The following CEP43 variants were observed in gnomAD, a reference collection of about 807,000 sequenced individuals.
CEP43 encodes FGFR1 oncogene partner.
A neutral mutation model predicts 52.6 loss-of-function variants in CEP43; 36 were observed. The observed-to-expected ratio is 0.68, with a 90% CI of 0.52 to 0.90. The LOEUF is 0.90. Ranked by LOEUF, CEP43 falls within the 40% of genes least tolerant of loss-of-function variation. The pLI is 0.00. For synonymous variants in CEP43, 192 were observed against 172.4 expected (o/e 1.11, Z -0.89); for missense variants, 506 against 472.8 (o/e 1.07, Z -0.65).
At position 167,036,262 on chromosome 6, in the gene CEP43, C is replaced by G. The variant is rs1027973475; in HGVS notation, c.1125+2291C>G. 6 of 985,306 alleles carry G rather than the reference C, an allele frequency of 6.1e-6. No individual in the cohort carries two copies. The African/African-American group carries it at 8.7e-5, about 14-fold the overall frequency. 61.0% of individuals were successfully genotyped at this position (985,306 alleles called of 1,614,324 possible). A position where few individuals can be genotyped will look rare whatever the true frequency, so the allele number is the denominator to read the frequency against. On this transcript the variant is annotated intron_variant, in intron 12 of 12. Coordinates refer to ENST00000366847, the MANE Select transcript of CEP43 (RefSeq NM_007045.4). ...GAGGGCTGAGGAGGAACATGGTAAG[C>G]TCCATGAGAACAGAAGGGAGATCCC...
At chr6:167,027,535 T>A (rs9459846) in intron 10 of CEP43, among the ~76,000 whole-genome samples, 1 of 151,840 alleles carries the variant, frequency 6.6e-6, no homozygotes, top group African/African-American at 2.4e-5. Flanking sequence ...GTGTCCCCAT[T>A]TGCTTTTAAA....
rs1780699371 is a variant in CEP43, at chr6:167,041,722, A to G, written c.*1744A>G. 1.9e-6 allele frequency: 2 copies of G among 1,029,696 alleles called. No individual in the cohort carries two copies. Among genetic ancestry groups the G allele is most frequent in the South Asian group, 4.6e-5 (1 of 21,688 alleles). 63.8% of individuals were successfully genotyped at this position (1,029,696 alleles called of 1,614,324 possible). On this transcript the variant is annotated 3_prime_UTR_variant, in exon 13 of 13. Coordinates refer to ENST00000366847, the MANE Select transcript of CEP43 (RefSeq NM_007045.4). ...CGAACAGTAGCAACTGAAATTTGTC[A>G]CTTTTCTGTTACGCAGAGAATCAGA...
rs187898492 is a variant in CEP43 at position 167,009,029 on chromosome 6, C to T, written c.439-1784C>T. Among the ~76,000 whole-genome samples, 421 of 151,728 alleles carry T rather than the reference C, an allele frequency of 2.8e-3. 2 individuals are homozygous for T. Among genetic ancestry groups the T allele is most frequent in the Middle Eastern group, 0.014 (4 of 288 alleles). ...CAGCACTTTGGGAGGCCGAGGCAGG[C>T]GGATCACTTGAGGCCAGGAGTTTGA... On this transcript the variant is annotated intron_variant, in intron 5 of 12. Coordinates refer to ENST00000366847, the MANE Select transcript of CEP43 (RefSeq NM_007045.4).
chr6:167,033,843 GTTC>G, intron 11 of CEP43, 29 bp from the exon 12 acceptor site: 4 of 1,060,264 alleles, frequency 3.8e-6, no homozygotes, highest in Non-Finnish European at 2.8e-6. Context: ...TATTTTCAGA[GTTC>G]TTATTTTTTT....
At position 167,040,672 on chromosome 6, in the gene CEP43, C is replaced by G; in HGVS notation, c.*694C>G. 1 of 1,022,144 alleles carries G rather than the reference C, an allele frequency of 9.8e-7. No individual in the cohort carries two copies. The highest frequency in any genetic ancestry group is 6.3e-5 in the East Asian group (1 of 15,878). The allele number at this position is 1,022,144 out of a possible 1,614,324, so 63.3% of individuals were successfully genotyped here. A position where few individuals can be genotyped will look rare whatever the true frequency, so the allele number is the denominator to read the frequency against. On this transcript the variant is annotated 3_prime_UTR_variant, in exon 13 of 13. Coordinates refer to ENST00000366847, the MANE Select transcript of CEP43 (RefSeq NM_007045.4). The stretch of plus-strand genomic sequence containing the variant: ...CATAACATTTGCAATCGTCATTCCT[C>G]CTGTTATCCATGTAAGCAGCTTTAG...
chr6:167,018,712 GT>G (rs529614823), intron 7 of CEP43, among the ~76,000 whole-genome samples: 11 of 152,040 alleles, frequency 7.2e-5, no homozygotes, highest in Non-Finnish European at 1.5e-4. Context: ...AATCTTATTT[GT>G]TAGTTTTTAA....
intron 12 of CEP43, among the ~76,000 whole-genome samples, chr6:167,037,979 A>G (rs1417051358): frequency 6.6e-6 from 1 of 152,142 alleles, no homozygotes; most frequent in Non-Finnish European, 1.5e-5. Flanking sequence ...GGGACTGGGA[A>G]GGTTGGGTTC....
chr6:167,024,682 G>A (rs772650449), intron 8 of CEP43, 100 bp from the exon 9 acceptor site: 49 of 796,506 alleles, frequency 6.2e-5, no homozygotes, highest in Non-Finnish European at 9.7e-5. Context: ...GCCACCACAC[G>A]TATAAAATAT....
chr6:167,036,486 G>A, intron 12 of CEP43: 2 of 985,426 alleles, frequency 2.0e-6, no homozygotes, highest in Non-Finnish European at 2.4e-6. Context: ...AGATGTTGGA[G>A]GAAGAGGGCC....
intron 12 of CEP43, among the ~76,000 whole-genome samples, chr6:167,038,095 G>A (rs1283898347): frequency 6.6e-6 from 1 of 152,254 alleles, no homozygotes; most frequent in East Asian, 1.9e-4. Context: ...TGTTTTCCCA[G>A]CCTGCATTAT....
Position 167,042,397 on chromosome 6 carries a change from G to A in CEP43, c.*2419G>A, listed in dbSNP as rs142077018. ...ATTGATAACTACAAATGAATAAAAAGCATTTATTCTCTTTGTTGATATTCG... is the reference window on the plus strand; with the variant it reads ...ATTGATAACTACAAATGAATAAAAAACATTTATTCTCTTTGTTGATATTCG... On this transcript the variant is annotated 3_prime_UTR_variant, in exon 13 of 13. Coordinates refer to ENST00000366847, the MANE Select transcript of CEP43 (RefSeq NM_007045.4). 22 of 965,444 alleles carry A rather than the reference G, an allele frequency of 2.3e-5. No homozygotes were observed. The highest frequency in any genetic ancestry group is 5.2e-4 in the Middle Eastern group (1 of 1,920). 59.8% of individuals were successfully genotyped at this position (965,444 alleles called of 1,614,324 possible). A position where few individuals can be genotyped will look rare whatever the true frequency, so the allele number is the denominator to read the frequency against.
Position 167,021,199 on chromosome 6 carries a change from G to A in CEP43, c.580-1210G>A, listed in dbSNP as rs897980474. Among the ~76,000 whole-genome samples, 4 of 152,088 alleles carry A rather than the reference G, an allele frequency of 2.6e-5. No individual in the cohort carries two copies. In the East Asian group the frequency reaches 5.8e-4, roughly 22 times the overall value. On this transcript the variant is annotated intron_variant, in intron 7 of 12. Transcript: ENST00000366847. ...TACACAATACTGCTCTCTTTAGTAT[G>A]CAAGGCTGAATTTTGGGAAATTGCC...
chr6:167,000,942 A>C (rs934824100), intron 2 of CEP43, among the ~76,000 whole-genome samples: 1 of 152,174 alleles, frequency 6.6e-6, no homozygotes, highest in African/African-American at 2.4e-5. Flanking sequence ...GAGTCAGTCA[A>C]TCCTGTGGAT....
chr6:167,009,941 A>G (rs945359078), intron 5 of CEP43, among the ~76,000 whole-genome samples: 3 of 152,234 alleles, frequency 2.0e-5, no homozygotes, highest in African/African-American at 7.2e-5. Context: ...GCAAGGTCAC[A>G]GAAGGCAATA....
Position 167,003,774 on chromosome 6 carries a change from A to C in CEP43, c.263A>C (p.Asp88Ala). ...GAATTTCTTCAGTTTTTTAACCTTG[A>C]CTTTACTTTGGCTGTTTTTCAACCT... ...VAEFLQFFNL[D>A]FTLAVFQPET... is the part of the protein sequence containing the mutation. Residue 88 changes from aspartate to alanine, a missense_variant, in exon 4 of 13, where the codon GAC becomes GCC. By Grantham distance (126) the Asp-to-Ala change is moderately radical. Coordinates refer to ENST00000366847, the MANE Select transcript of CEP43 (RefSeq NM_007045.4). 1.2e-6 allele frequency: 2 copies of C among 1,612,030 alleles called. No homozygotes were observed. The highest frequency in any genetic ancestry group is 1.7e-6 in the Non-Finnish European group (2 of 1,178,636).
At position 167,013,517 on chromosome 6, in the gene CEP43, T is replaced by C. The variant is rs1780028696; in HGVS notation, c.529T>C (p.Tyr177His). 1 of 1,613,034 alleles carries C rather than the reference T, an allele frequency of 6.2e-7. No homozygotes were observed. The highest frequency in any genetic ancestry group is 2.2e-5 in the East Asian group (1 of 44,872). ...TTATTCTCATGCTCAGATACCAAGG[T>C]ATAAAGGACAAGGTAAGAAGAAGAC... is the stretch of plus-strand genomic sequence containing the variant. ...AQTTPSKIPR[Y>H]KGQGKKKTSG... Residue 177 changes from tyrosine to histidine, a missense_variant, in exon 7 of 13, where the codon TAT (tyrosine) becomes CAT (histidine). Coordinates refer to ENST00000366847, the MANE Select transcript of CEP43 (RefSeq NM_007045.4).
intron 5 of CEP43, among the ~76,000 whole-genome samples, chr6:167,008,137 T>A (rs947927615): frequency 2.7e-5 from 4 of 148,406 alleles, no homozygotes; most frequent in Non-Finnish European, 6.0e-5. Context: ...TTTTTTTTTT[T>A]AATGTGGAAC....
intron 11 of CEP43, 63 bp downstream of exon 11, chr6:167,032,705 CAGACA>C (rs1474919210): frequency 1.4e-6 from 2 of 1,386,798 alleles, no homozygotes; most frequent in Non-Finnish European, 2.0e-6. Flanking sequence ...TTTCCGAACA[CAGACA>C]AGACAAAATT....
Position 167,041,931 on chromosome 6 carries a change from C to T in CEP43, c.*1953C>T, listed in dbSNP as rs937855367. ...CTCCGCCTCCTGGGTTCAAGCGATT[C>T]TCCTGCTTCAGCCTCCTGAGTAGCT... is the stretch of plus-strand genomic sequence containing the variant. On this transcript the variant is annotated 3_prime_UTR_variant, in exon 13 of 13. Coordinates refer to ENST00000366847, the MANE Select transcript of CEP43 (RefSeq NM_007045.4). 1 of 523,402 alleles carries T rather than the reference C, an allele frequency of 1.9e-6. No individual in the cohort carries two copies. The allele number at this position is 523,402 out of a possible 1,614,324, so 32.4% of individuals were successfully genotyped here.
Sources: gnomAD v4.1 joint callset for allele counts (sites outside exome capture counted in the v4.1 genomes callset) on GRCh38, gnomAD v4.1.1 for gene constraint, MANE v1.5 for transcripts, NCBI Gene and HGNC (gene_info 2026-07-23, HGNC 2026-07-21) for gene names.